OAS3: variants seen among roughly 807,000 people sequenced by gnomAD.
OAS3 encodes the protein 2'-5'-oligoadenylate synthetase 3.
In OAS3, 107 loss-of-function variants were observed where a neutral mutation model predicts 113.0. The ratio of observed to expected loss-of-function variants is 0.95; its 90% CI spans 0.81 to 1.11. The LOEUF is 1.11. Among genes scored for constraint, OAS3 ranks in the 50% most tolerant of loss-of-function variants. The probability of loss-of-function intolerance (pLI) is 0.00; values close to 1 mark genes in which losing one functional copy is unlikely to be tolerated. For synonymous variants in OAS3, 552 were observed against 573.6 expected (o/e 0.96, Z 0.54); for missense variants, 1,258 against 1,389.1 (o/e 0.91, Z 1.50).
intron 5 of OAS3, 108 bp from the exon 6 acceptor site, chr12:112,948,753 C>T (rs1351792703): frequency 1.0e-4 from 86 of 849,570 alleles, no homozygotes; most frequent in Non-Finnish European, 7.2e-6. Context: ...CCTCTCTGAG[C>T]CTCAGTCACC....
At position 112,938,621 on chromosome 12, in the gene OAS3, C is replaced by G; in HGVS notation, c.91C>G (p.Arg31Gly). The stretch of plus-strand genomic sequence containing the variant: ...GAAGGAGTTCGTAGAGAAGGCGCGG[C>G]GCGCTCTGGGCGCCCTGGCCGCTGC... ...PRKEFVEKAR[R>G]ALGALAAALR... The change falls in exon 1 of 16, where the codon CGC becomes GGC. Residue 31 changes from arginine (R) to glycine (G), a missense_variant. Physicochemically the swap from Arg to Gly is moderately radical, Grantham distance 125. Coordinates refer to ENST00000228928, the MANE Select transcript of OAS3 (RefSeq NM_006187.4). 1 of 1,608,980 alleles carries G rather than the reference C, an allele frequency of 6.2e-7. No homozygotes were observed. Among genetic ancestry groups the G allele is most frequent in the Non-Finnish European group, 8.5e-7 (1 of 1,178,428 alleles).
intron 2 of OAS3, chr12:112,942,142 C>A: frequency 1.8e-6 from 1 of 565,136 alleles, no homozygotes; most frequent in Non-Finnish European, 3.1e-6. Context: ...TCAGCCCTTC[C>A]ACAAATACTC....
At chr12:112,964,876 G>A (rs1468804913) in intron 11 of OAS3, among the ~76,000 whole-genome samples, 2 of 152,178 alleles carry the variant, frequency 1.3e-5, no homozygotes, top group African/African-American at 4.8e-5. Context: ...AGTCTCATTG[G>A]CCTGGCTTGG....
In OAS3 at chr12:112,947,974, A is replaced by C. The variant is rs942663606; in HGVS notation, c.904A>C (p.Thr302Pro). The C allele has an allele frequency of 6.2e-7, 1 of 1,603,206 alleles. No individual in the cohort carries two copies. Among genetic ancestry groups the C allele is most frequent in the Admixed American group, 1.7e-5 (1 of 58,326 alleles). ...RPVILDPADP[T>P]WDLGNGAAWH... Reference sequence around the variant, plus strand: ...TGTGATCCTGGACCCAGCTGACCCCACATGGGACCTGGGGAATGGGGCAGC... The same window carrying C: ...TGTGATCCTGGACCCAGCTGACCCCCCATGGGACCTGGGGAATGGGGCAGC... Residue 302 changes from threonine (T) to proline (P), a missense_variant, in exon 5 of 16, where the codon ACA (threonine) becomes CCA (proline). Transcript: ENST00000228928.
At position 112,963,312 on chromosome 12, in the gene OAS3, G is replaced by A. The variant is rs185702911; in HGVS notation, c.2085-1G>A. On this transcript the variant is annotated splice_acceptor_variant, in intron 9 of 15. Transcript: ENST00000228928. LOFTEE classifies it high-confidence loss of function. The surrounding 1 kb of genome is among the most constrained non-coding windows in gnomAD (Gnocchi z 4.6). The stretch of plus-strand genomic sequence containing the variant: ...CACCCACCTTCCTGCTGTGCCCCCA[G>A]ACCCCTGGTCCTGGACCCCGCTGAT... 2 of 1,570,384 alleles carry A rather than the reference G, an allele frequency of 1.3e-6. No individual in the cohort carries two copies. The highest frequency in any genetic ancestry group is 1.4e-5 in the African/African-American group (1 of 73,460).
chr12:112,963,473 C>A lies in OAS3; in HGVS notation c.2229+16C>A. On this transcript the variant is annotated intron_variant, in intron 10 of 15. Coordinates refer to ENST00000228928, the MANE Select transcript of OAS3 (RefSeq NM_006187.4). The surrounding 1 kb of genome is among the most constrained non-coding windows in gnomAD (Gnocchi z 4.6). Reference sequence around the variant, plus strand: ...GGATGTGATGGTAAGATGGAGGGTCCTGGGGGGCAGGGGGCCCTGCACCCT... The same window carrying A: ...GGATGTGATGGTAAGATGGAGGGTCATGGGGGGCAGGGGGCCCTGCACCCT... 1 of 1,517,778 alleles carries A rather than the reference C, an allele frequency of 6.6e-7. No homozygotes were observed. The highest frequency in any genetic ancestry group is 8.9e-7 in the Non-Finnish European group (1 of 1,127,040). 94.0% of individuals were successfully genotyped at this position (1,517,778 alleles called of 1,614,324 possible).
intron 7 of OAS3, among the ~76,000 whole-genome samples, chr12:112,951,598 T>C (rs2043792771): frequency 6.6e-6 from 1 of 152,162 alleles, no homozygotes; most frequent in African/African-American, 2.4e-5. Context: ...CTTTCGGCAT[T>C]TACTTATTAT....
Position 112,967,607 on chromosome 12 carries a change from A to C in OAS3, c.2865+14A>C. 1 of 1,609,934 alleles carries C rather than the reference A, an allele frequency of 6.2e-7. No homozygotes were observed. The highest frequency in any genetic ancestry group is 8.5e-7 in the Non-Finnish European group (1 of 1,177,714). Reference sequence around the variant, plus strand: ...TGGTACCAGCAGGTTCGGCACATGGATAGGCCACCTTCCTAAGTTGCCCTG... The same window carrying C: ...TGGTACCAGCAGGTTCGGCACATGGCTAGGCCACCTTCCTAAGTTGCCCTG... On this transcript the variant is annotated intron_variant, in intron 13 of 15. Transcript: ENST00000228928.
intron 12 of OAS3, among the ~76,000 whole-genome samples, chr12:112,966,408 C>A (rs2043934670): frequency 6.6e-6 from 1 of 152,208 alleles, no homozygotes; most frequent in Admixed American, 6.5e-5. Flanking sequence ...GTGCCACCCA[C>A]CTCCTCCACC....
At chr12:112,945,928 G>C (rs532009308) in intron 3 of OAS3, among the ~76,000 whole-genome samples, 1 of 152,218 alleles carries the variant, frequency 6.6e-6, no homozygotes, top group South Asian at 2.1e-4. Flanking sequence ...GGAGTTCAAG[G>C]CTGCAGTGAC....
At chr12:112,969,075 C>A (rs1041242712) in intron 14 of OAS3, among the ~76,000 whole-genome samples, 7 of 152,092 alleles carry the variant, frequency 4.6e-5, no homozygotes, top group African/African-American at 1.7e-4. Flanking sequence ...GGTTGAGCAT[C>A]CCAAATGCAA....
intron 8 of OAS3, among the ~76,000 whole-genome samples, chr12:112,962,396 C>T (rs1373092128): frequency 6.6e-6 from 1 of 152,202 alleles, no homozygotes; most frequent in Non-Finnish European, 1.5e-5. Flanking sequence ...CAAGATGTTT[C>T]AAATTTCCAA....
rs763596601 is a variant in OAS3, at chr12:112,968,041, A to ACTCCCG, written c.2971_2972insCTCCCG (p.Met991delinsThrProVal). 64 of 1,613,878 alleles carry ACTCCCG rather than the reference A, an allele frequency of 4.0e-5. No homozygotes were observed. The highest frequency in any genetic ancestry group is 5.4e-5 in the Non-Finnish European group (64 of 1,179,904). ...GGGCGGGAAGGACTCCCAGTTCAAC[A>ACTCCCG]TGGCTGAGGGCTTCCGCACGGTCCT... is the stretch of plus-strand genomic sequence containing the variant. On this transcript the variant is annotated protein_altering_variant, in exon 14 of 16. Transcript: ENST00000228928.
At chr12:112,962,245 A>G (rs947803996) in intron 8 of OAS3, among the ~76,000 whole-genome samples, 2 of 152,230 alleles carry the variant, frequency 1.3e-5, no homozygotes, top group African/African-American at 2.4e-5. Context: ...TGTGATGGAC[A>G]CTGGGATACC....
chr12:112,965,417 T>C (rs1034462586), intron 11 of OAS3, among the ~76,000 whole-genome samples: 10 of 152,220 alleles, frequency 6.6e-5, no homozygotes, highest in African/African-American at 2.4e-4. Context: ...CCATTAGTCG[T>C]TGGTAAAAGC....
intron 11 of OAS3, 74 bp downstream of exon 11, chr12:112,964,482 G>C: frequency 2.0e-6 from 3 of 1,493,650 alleles, no homozygotes; most frequent in Non-Finnish European, 2.7e-6. Context: ...GGCCAGGCTT[G>C]ACCCACTTCC....
chr12:112,942,914 C>T lies in OAS3; in HGVS notation c.460+1062C>T, dbSNP rs1460251325. On this transcript the variant is annotated intron_variant, in intron 2 of 15. Coordinates refer to ENST00000228928, the MANE Select transcript of OAS3 (RefSeq NM_006187.4). ...TGCCTGGTACCCTAAGCCTAGTGTA[C>T]CCACATACTGGGTACACACACACAC... Among the ~76,000 whole-genome samples the T allele has an allele frequency of 2.0e-5, 3 of 151,682 alleles. No individual in the cohort carries two copies. In the South Asian group the frequency reaches 6.3e-4, roughly 32 times the overall value.
chr12:112,967,257 A>G (rs898144799), intron 12 of OAS3, among the ~76,000 whole-genome samples, 161 bp from the exon 13 acceptor site: 5 of 152,252 alleles, frequency 3.3e-5, no homozygotes, highest in African/African-American at 1.2e-4. Flanking sequence ...ATCAGGCCAC[A>G]TCTGTGTTCC....
At position 112,954,163 on chromosome 12, in the gene OAS3, G is replaced by A. The variant is rs112222887; in HGVS notation, c.1657+3188G>A. Among the ~76,000 whole-genome samples, 2 of 152,156 alleles carry A rather than the reference G, an allele frequency of 1.3e-5. No individual in the cohort carries two copies. Among genetic ancestry groups the A allele is most frequent in the African/African-American group, 2.4e-5 (1 of 41,432 alleles). On this transcript the variant is annotated intron_variant, in intron 7 of 15. Coordinates refer to ENST00000228928, the MANE Select transcript of OAS3 (RefSeq NM_006187.4). This position sits in a 1 kb window ranked among gnomAD's most constrained non-coding sequence, Gnocchi z 4.0. ...CTTTAATCCATCTTGAATTAATTTT[G>A]TATAAGGTGTAAGGAAAGGATACAG... is the stretch of plus-strand genomic sequence containing the variant.
Sources: gnomAD v4.1 joint callset for allele counts (sites outside exome capture counted in the v4.1 genomes callset) on GRCh38, gnomAD v4.1.1 for gene constraint, Gnocchi (gnomAD v3.1) non-coding constraint, MANE v1.5 for transcripts, NCBI Gene and HGNC (gene_info 2026-07-23, HGNC 2026-07-21) for gene names.